MACROD2: variants seen among roughly 807,000 people sequenced by gnomAD.
The protein encoded by MACROD2 is ADP-ribose glycohydrolase MACROD2.
MACROD2 carries 36 observed loss-of-function variants against 70.4 expected under a neutral mutation model. That is an observed-to-expected ratio of 0.51 (90% CI 0.39 to 0.68). The LOEUF is 0.68. MACROD2 is among the 30% of genes least tolerant of loss of function. The pLI is 0.00. For synonymous variants in MACROD2, 172 were observed against 178.8 expected, an observed-to-expected ratio of 0.96 and a Z score of 0.30; for missense variants, 496 against 538.4, an observed-to-expected ratio of 0.92 and a Z score of 0.78.
chr20:15,752,060 C>A (rs2051280514), intron 8 of MACROD2, among the ~76,000 whole-genome samples: 1 of 151,888 alleles, frequency 6.6e-6, no homozygotes, highest in Admixed American at 6.6e-5. Flanking sequence ...TTATTTAGTT[C>A]AGGCTTTGTC....
At chr20:14,582,627 TG>T (rs1486878702) in intron 4 of MACROD2, among the ~76,000 whole-genome samples, 2 of 152,146 alleles carry the variant, frequency 1.3e-5, no homozygotes, top group Non-Finnish European at 2.9e-5. Flanking sequence ...GTGATACACT[TG>T]GTGTAGTGGA....
intron 5 of MACROD2, among the ~76,000 whole-genome samples, chr20:15,135,146 C>A (rs2076136913): frequency 1.3e-5 from 2 of 151,682 alleles, no homozygotes; most frequent in Non-Finnish European, 1.5e-5. Context: ...CAAGGAGGAG[C>A]TGGTACCATT....
chr20:14,287,814 C>A (rs1018934083), intron 3 of MACROD2, among the ~76,000 whole-genome samples: 1 of 152,224 alleles, frequency 6.6e-6, no homozygotes, highest in African/African-American at 2.4e-5. Context: ...TTGTTGACTG[C>A]TAGCCAGAGG....
chr20:14,718,395 A>G (rs112032388), intron 5 of MACROD2, among the ~76,000 whole-genome samples: 1,969 of 151,636 alleles, frequency 0.013, 46 homozygotes, highest in African/African-American at 0.045. Context: ...GTGTGGGTGC[A>G]TGTGATTCAA....
intron 5 of MACROD2, among the ~76,000 whole-genome samples, chr20:15,166,471 C>T (rs1404374781): frequency 6.6e-6 from 1 of 152,224 alleles, no homozygotes; most frequent in Non-Finnish European, 1.5e-5. Flanking sequence ...CTCTTCCAGC[C>T]TGAAGAATGT....
intron 3 of MACROD2, among the ~76,000 whole-genome samples, chr20:14,465,458 C>T (rs773485740): frequency 2.6e-5 from 4 of 152,036 alleles, no homozygotes; most frequent in Non-Finnish European, 5.9e-5. Context: ...TTCCTGAATA[C>T]AGCACACTGA....
intron 15 of MACROD2, among the ~76,000 whole-genome samples, chr20:16,006,792 A>G (rs555270505): frequency 9.5e-4 from 145 of 152,296 alleles, no homozygotes; most frequent in African/African-American, 3.3e-3. Flanking sequence ...TCTCATTACC[A>G]AGACTTGGGT....
At chr20:15,086,253 A>C (rs1261841532) in intron 5 of MACROD2, among the ~76,000 whole-genome samples, 3 of 152,202 alleles carry the variant, frequency 2.0e-5, no homozygotes, top group Non-Finnish European at 4.4e-5. Flanking sequence ...TTCGTGGCTA[A>C]CTTGCAAATT....
chr20:15,837,355 C>A (rs2064125144), intron 8 of MACROD2, among the ~76,000 whole-genome samples: 1 of 151,922 alleles, frequency 6.6e-6, no homozygotes, highest in Non-Finnish European at 1.5e-5. Context: ...TGAATGGGAC[C>A]CCTTTTCTCC....
At chr20:15,325,080 A>G (rs926689553) in intron 6 of MACROD2, among the ~76,000 whole-genome samples, 8 of 152,162 alleles carry the variant, frequency 5.3e-5, no homozygotes, top group Non-Finnish European at 1.0e-4. Flanking sequence ...GTCAGGGTAG[A>G]CAGGGTAGAA....
At chr20:15,618,025 G>T (rs1362712258) in intron 8 of MACROD2, among the ~76,000 whole-genome samples, 1 of 150,406 alleles carries the variant, frequency 6.6e-6, no homozygotes, top group Non-Finnish European at 1.5e-5. Context: ...CACAGATCGA[G>T]ATGGGGGGTT....
intron 5 of MACROD2, among the ~76,000 whole-genome samples, chr20:14,877,958 A>T (rs2122453239): frequency 6.6e-6 from 1 of 152,092 alleles, no homozygotes; most frequent in African/African-American, 2.4e-5. Context: ...TCTTTGCCAG[A>T]ATTTGGTATC....
chr20:15,033,672 A>G (rs1271496338), intron 5 of MACROD2, among the ~76,000 whole-genome samples: 1 of 152,194 alleles, frequency 6.6e-6, no homozygotes, highest in Non-Finnish European at 1.5e-5. Context: ...ATAACTCTCT[A>G]ACTTGTGAAA....
intron 5 of MACROD2, among the ~76,000 whole-genome samples, chr20:14,758,925 A>G (rs1456697580): frequency 2.0e-5 from 3 of 152,072 alleles, no homozygotes; most frequent in African/African-American, 2.4e-5. Flanking sequence ...GCCCACTTAT[A>G]ATTGCAGTAT....
chr20:15,140,165 T>C (rs1316013647), intron 5 of MACROD2, among the ~76,000 whole-genome samples: 1 of 152,166 alleles, frequency 6.6e-6, no homozygotes, highest in Non-Finnish European at 1.5e-5. Flanking sequence ...AGATCATACA[T>C]CCAGGTTTGC....
At chr20:14,667,765 T>A (rs2046081912) in intron 4 of MACROD2, among the ~76,000 whole-genome samples, 1 of 152,152 alleles carries the variant, frequency 6.6e-6, no homozygotes, top group African/African-American at 2.4e-5. Flanking sequence ...AAACTTTCTT[T>A]ATGGACACAG....
intron 8 of MACROD2, among the ~76,000 whole-genome samples, chr20:15,761,281 G>A (rs894506363): frequency 6.6e-6 from 1 of 152,158 alleles, no homozygotes; most frequent in African/African-American, 2.4e-5. Flanking sequence ...CCTGACCTCA[G>A]GTCATCTGCC....
chr20:14,629,941 T>TCTATC (rs1384406821), intron 4 of MACROD2, among the ~76,000 whole-genome samples: 1 of 150,900 alleles, frequency 6.6e-6, no homozygotes, highest in Non-Finnish European at 1.5e-5. Context: ...TCAGATCCTA[T>TCTATC]TATGTGCTAA....
At chr20:14,913,474 G>T (rs532202103) in intron 5 of MACROD2, among the ~76,000 whole-genome samples, 21 of 152,136 alleles carry the variant, frequency 1.4e-4, no homozygotes, top group African/African-American at 5.1e-4. Flanking sequence ...ACTTATTGAG[G>T]CCAGGAGTTC....
Sources: allele counts gnomAD v4.1 joint callset (sites outside exome capture counted in the v4.1 genomes callset), GRCh38; gene constraint gnomAD v4.1.1; transcripts MANE v1.5; gene names NCBI Gene and HGNC (gene_info 2026-07-23, HGNC 2026-07-21).